Variants in ARHGEF17 observed in about 807,000 individuals in gnomAD.
ARHGEF17 encodes Rho guanine nucleotide exchange factor 17, also known as 164 kDa Rho-specific guanine-nucleotide exchange factor.
Under a neutral mutation model 174.0 loss-of-function variants are expected in ARHGEF17, and 80 were observed. That is an observed-to-expected ratio of 0.46 (90% CI 0.38 to 0.55). The LOEUF (loss-of-function observed/expected upper bound fraction) is 0.55. ARHGEF17 is among the 20% of genes least tolerant of loss of function. The pLI is 0.00. For missense variants in ARHGEF17, 2,886 were observed against 2,839.7 expected (o/e 1.02, Z -0.37); for synonymous variants, 1,311 against 1,189.1 (o/e 1.10, Z -2.11).
At chr11:73,345,073 G>C (rs576509999) in intron 1 of ARHGEF17, among the ~76,000 whole-genome samples, 1 of 152,290 alleles carries the variant, frequency 6.6e-6, no homozygotes, top group Admixed American at 6.5e-5. Context: ...GCAGGATTAG[G>C]CATCTGGGCC....
At chr11:73,334,846 C>T (rs948117883) in intron 1 of ARHGEF17, among the ~76,000 whole-genome samples, 5 of 152,112 alleles carry the variant, frequency 3.3e-5, no homozygotes, top group Non-Finnish European at 5.9e-5. Flanking sequence ...ATCCCAGCCC[C>T]CCTGCAGGCT....
chr11:73,352,695 T>C (rs1865574345), intron 2 of ARHGEF17, 135 bp from the exon 3 acceptor site: 1 of 866,792 alleles, frequency 1.2e-6, no homozygotes, highest in Non-Finnish European at 1.8e-6. Context: ...CTTGGTCTCA[T>C]GAGGGAGATG....
chr11:73,357,196 C>T, intron 8 of ARHGEF17, 46 bp from the exon 9 acceptor site: 1 of 1,612,308 alleles, frequency 6.2e-7, no homozygotes, highest in Non-Finnish European at 8.5e-7. Flanking sequence ...CCTCTCTGAG[C>T]CCCACTCCCC....
intron 1 of ARHGEF17, among the ~76,000 whole-genome samples, chr11:73,318,430 G>A (rs770695834): frequency 4.7e-4 from 71 of 152,044 alleles, no homozygotes; most frequent in Non-Finnish European, 8.8e-4. Flanking sequence ...TGAGCCCAGG[G>A]GTTCGAGACC....
chr11:73,340,461 C>T (rs749342024), intron 1 of ARHGEF17, among the ~76,000 whole-genome samples: 1 of 152,178 alleles, frequency 6.6e-6, no homozygotes, highest in Non-Finnish European at 1.5e-5. Context: ...CAGTGACTCC[C>T]TCTGCTGAGC....
rs1346206708 is a variant in ARHGEF17 at position 73,365,536 on chromosome 11, C to T, written c.5697C>T (p.Val1899=). 6.2e-7 allele frequency: 1 copy of T among 1,614,040 alleles called. No individual in the cohort carries two copies. The highest frequency in any genetic ancestry group is 8.5e-7 in the Non-Finnish European group (1 of 1,180,046). The change falls in exon 19 of 21, where the codon GTC becomes GTT. Residue 1899 remains valine (V), a synonymous_variant. Coordinates refer to ENST00000263674, the MANE Select transcript of ARHGEF17 (RefSeq NM_014786.4). The surrounding 1 kb of genome is among the most constrained non-coding windows in gnomAD (Gnocchi z 4.9). ...DTFEQLAEVD[V]TPPVHRMLAG... ...TTGAGCAGCTGGCAGAAGTAGACGT[C>T]ACTCCTCCCGTGCACAGGATGCTGG...
rs747637924 is a variant in ARHGEF17 at position 73,309,202 on chromosome 11, G to C, written c.564G>C (p.Leu188=). 1.3e-6 allele frequency: 2 copies of C among 1,595,226 alleles called. No individual in the cohort carries two copies. Among genetic ancestry groups the C allele is most frequent in the South Asian group, 2.2e-5 (2 of 89,604 alleles). ...CGGGTCTGCGTTCGGCGCGGCCCCTGACCGGGCCGGAGACCGAAGGGAGGC... is the reference window on the plus strand; with the variant it reads ...CGGGTCTGCGTTCGGCGCGGCCCCTCACCGGGCCGGAGACCGAAGGGAGGC... The part of the protein sequence containing the change: ...PLAGLRSARP[L]TGPETEGRLR... Residue 188 remains leucine (L), a synonymous_variant, in exon 1 of 21, where the codon CTG becomes CTC. Transcript: ENST00000263674.
intron 9 of ARHGEF17, among the ~76,000 whole-genome samples, chr11:73,358,769 G>A (rs557676146): frequency 2.6e-5 from 4 of 151,976 alleles, no homozygotes; most frequent in South Asian, 2.1e-4. Context: ...AGCCAGGTCC[G>A]CCTCTTAATA....
chr11:73,364,129 G>C, intron 16 of ARHGEF17, 43 bp from the exon 17 acceptor site: 1 of 1,604,594 alleles, frequency 6.2e-7, no homozygotes, highest in Non-Finnish European at 8.5e-7. Context: ...GACCCACTTT[G>C]GCTGCCTGAA....
rs1157193271 is a variant in ARHGEF17, at chr11:73,365,900, A to G, written c.5948A>G (p.Asp1983Gly). 2 of 1,608,700 alleles carry G rather than the reference A, an allele frequency of 1.2e-6. No individual in the cohort carries two copies. The highest frequency in any genetic ancestry group is 1.7e-6 in the Non-Finnish European group (2 of 1,180,002). Residue 1983 changes from aspartate (D) to glycine (G), a missense_variant, in exon 20 of 21, where the codon GAT becomes GGT. Physicochemically the swap from Asp to Gly is moderately conservative, Grantham distance 94 (BLOSUM62 -1). Coordinates refer to ENST00000263674, the MANE Select transcript of ARHGEF17 (RefSeq NM_014786.4). This position sits in a 1 kb window ranked among gnomAD's most constrained non-coding sequence, Gnocchi z 4.9. ...TTCTTGGCTGCAGTCCAGCTGCCAG[A>G]TGGCTTCAACCTGCTCTGCCCAACC... is the stretch of plus-strand genomic sequence containing the variant. Reference protein sequence around the residue: ...VRFLAAVQLPDGFNLLCPTPP... With the variant: ...VRFLAAVQLPGGFNLLCPTPP...
At chr11:73,334,692 A>G (rs1416965261) in intron 1 of ARHGEF17, among the ~76,000 whole-genome samples, 1 of 152,118 alleles carries the variant, frequency 6.6e-6, no homozygotes, top group Non-Finnish European at 1.5e-5. Context: ...CCCACAGCCC[A>G]GTGAGTCATC....
At position 73,309,591 on chromosome 11, in the gene ARHGEF17, T is replaced by A. The variant is rs1194326939; in HGVS notation, c.953T>A (p.Met318Lys). The A allele has an allele frequency of 6.2e-7, 1 of 1,612,664 alleles. No individual in the cohort carries two copies. The highest frequency in any genetic ancestry group is 8.5e-7 in the Non-Finnish European group (1 of 1,179,846). The change falls in exon 1 of 21, where the codon ATG (methionine) becomes AAG (lysine). Residue 318 changes from methionine to lysine, a missense_variant. By Grantham distance (95) the Met-to-Lys change is moderately conservative. This residue lies in a region of ARHGEF17 where 1,728 missense variants were observed against 1,461.2 expected (regional missense o/e 1.18). Coordinates refer to ENST00000263674, the MANE Select transcript of ARHGEF17 (RefSeq NM_014786.4). Reference sequence around the variant, plus strand: ...AGTGATGGGTTAAATCTAAGCAGCATGAACTCAGCAGGGGTTTCTGGGAGC... The same window carrying A: ...AGTGATGGGTTAAATCTAAGCAGCAAGAACTCAGCAGGGGTTTCTGGGAGC... ...PDSDGLNLSS[M>K]NSAGVSGSPE...
chr11:73,350,906 G>C (rs1865542529), intron 2 of ARHGEF17, among the ~76,000 whole-genome samples: 1 of 152,254 alleles, frequency 6.6e-6, no homozygotes, highest in Admixed American at 6.5e-5. Context: ...GCCCCACAGG[G>C]GGTCTGTGCA....
chr11:73,341,612 G>A lies in ARHGEF17; in HGVS notation c.3193-5271G>A, dbSNP rs189678438. ...CAGGCGTGAGCTACCGCGCCCGCCCGAAACTGGTCTTAAAGGAAAAGAAAA... is the reference window on the plus strand; with the variant it reads ...CAGGCGTGAGCTACCGCGCCCGCCCAAAACTGGTCTTAAAGGAAAAGAAAA... On this transcript the variant is annotated intron_variant, in intron 1 of 20. Transcript: ENST00000263674. 3.4e-3 allele frequency among the ~76,000 whole-genome samples: 511 copies of A among 152,282 alleles called. 5 individuals are homozygous for A. The highest frequency in any genetic ancestry group is 6.8e-3 in the Middle Eastern group (2 of 294).
intron 2 of ARHGEF17, among the ~76,000 whole-genome samples, chr11:73,349,932 C>T (rs934598813): frequency 5.3e-5 from 8 of 152,152 alleles, no homozygotes; most frequent in African/African-American, 1.9e-4. Flanking sequence ...AGGAGTATGA[C>T]TCTGGAGCCA....
rs1864765964 is a variant in ARHGEF17 at position 73,309,449 on chromosome 11, G to A, written c.811G>A (p.Gly271Ser). The change falls in exon 1 of 21, where the codon GGC (glycine) becomes AGC (serine). Residue 271 changes from glycine (G) to serine (S), a missense_variant. By Grantham distance (56) the Gly-to-Ser change is moderately conservative. Transcript: ENST00000263674. ...TGGAGCCCAGAGTCCGGCCTACCAC[G>A]GCGGCCACTCCTCGGGCAGTGACGA... Reference protein sequence around the residue: ...LPGAQSPAYHGGHSSGSDDDR... With the variant: ...LPGAQSPAYHSGHSSGSDDDR... 6.5e-7 allele frequency: 1 copy of A among 1,540,152 alleles called. No individual in the cohort carries two copies. Among genetic ancestry groups the A allele is most frequent in the African/African-American group, 1.4e-5 (1 of 72,436 alleles).
chr11:73,355,377 A>C (rs1404121832), intron 3 of ARHGEF17, among the ~76,000 whole-genome samples, 156 bp from the exon 4 acceptor site: 1 of 152,252 alleles, frequency 6.6e-6, no homozygotes, highest in African/African-American at 2.4e-5. Context: ...ACACGACCAC[A>C]CTTAGAGCCA....
chr11:73,356,829 C>G, intron 7 of ARHGEF17, 70 bp downstream of exon 7: 3 of 1,601,976 alleles, frequency 1.9e-6, no homozygotes, highest in Admixed American at 1.7e-5. Context: ...TGCTCACACC[C>G]TCTACCTGCA....
Position 73,367,744 on chromosome 11 carries a change from C to T in ARHGEF17, c.6156C>T (p.Asp2052=), listed in dbSNP as rs1361838838. The part of the protein sequence containing the change: ...GGSSSETVGR[D]DSTNHLLLWR... ...GCAGCAGTGAGACTGTGGGTCGAGA[C>T]GACAGCACAAACCACCTCCTCCTGT... Residue 2052 remains aspartate, a synonymous_variant, in exon 21 of 21, where the codon GAC becomes GAT. Transcript: ENST00000263674. 7.4e-6 allele frequency: 12 copies of T among 1,613,760 alleles called. No homozygotes were observed. Among genetic ancestry groups the T allele is most frequent in the East Asian group, 2.2e-5 (1 of 44,900 alleles).
Sources: gnomAD v4.1 joint callset for allele counts (sites outside exome capture counted in the v4.1 genomes callset) on GRCh38, gnomAD v4.1.1 for gene constraint, gnomAD v4.1.1 regional missense constraint, Gnocchi (gnomAD v3.1) non-coding constraint, MANE v1.5 for transcripts, NCBI Gene and HGNC (gene_info 2026-07-23, HGNC 2026-07-21) for gene names.